Variants in EEF2K observed in about 807,000 individuals in gnomAD.
EEF2K encodes eukaryotic elongation factor 2 kinase.
Under a neutral mutation model 93.8 loss-of-function variants are expected in EEF2K, and 70 were observed. That is an observed-to-expected ratio of 0.75 (90% confidence interval 0.62 to 0.91). The LOEUF (loss-of-function observed/expected upper bound fraction) is 0.91. Ranked by LOEUF, EEF2K falls within the 40% of genes least tolerant of loss-of-function variation. The probability of loss-of-function intolerance (pLI) is 0.00; values close to 1 mark genes in which losing one functional copy is unlikely to be tolerated. For missense variants in EEF2K, 935 were observed against 972.9 expected (o/e 0.96, Z 0.52); for synonymous variants, 376 against 380.8 (o/e 0.99, Z 0.15).
rs200670923 is a variant in EEF2K, at chr16:22,250,692, G to A, written c.446+1G>A. 131 of 1,614,072 alleles carry A rather than the reference G, an allele frequency of 8.1e-5. No homozygotes were observed. Among genetic ancestry groups the A allele is most frequent in the Non-Finnish European group, 1.1e-4 (126 of 1,180,034 alleles). The stretch of plus-strand genomic sequence containing the variant: ...GAGCAATGAGGGAGTGCTTCCGGAC[G>A]TAAGTGACTCAGCCTGGCTCTTGGG... On this transcript the variant is annotated splice_donor_variant, in intron 5 of 17. Transcript: ENST00000263026. LOFTEE classifies it high-confidence loss of function.
chr16:22,230,693 TAA>T (rs1230809499), intron 2 of EEF2K, among the ~76,000 whole-genome samples: 1 of 152,144 alleles, frequency 6.6e-6, no homozygotes, highest in African/African-American at 2.4e-5. Flanking sequence ...AGCTGATTTT[TAA>T]AAAAATTTTT....
chr16:22,277,368 C>CA (rs2047647545), intron 16 of EEF2K, among the ~76,000 whole-genome samples: 1 of 152,134 alleles, frequency 6.6e-6, no homozygotes, highest in South Asian at 2.1e-4. Context: ...CTCCTGGGCT[C>CA]AAGAGATCCT....
At chr16:22,232,279 T>A (rs1053988013) in intron 2 of EEF2K, among the ~76,000 whole-genome samples, 2 of 152,112 alleles carry the variant, frequency 1.3e-5, no homozygotes, top group Admixed American at 6.6e-5. Flanking sequence ...CAGGCTGGAG[T>A]ACAGTGGCAT....
rs1409418443 is a variant in EEF2K, at chr16:22,273,648, A to G, written c.1787A>G (p.Lys596Arg). ...SLKETEENKT[K>R]GFDYLLKAAE... ...CAGGAGACAGAAGAGAACAAAACCA[A>G]AGGATTTGATTACTTACTAAAGGCC... Residue 596 changes from lysine (K) to arginine (R), a missense_variant, in exon 16 of 18, where the codon AAA becomes AGA. Coordinates refer to ENST00000263026, the MANE Select transcript of EEF2K (RefSeq NM_013302.5). 3 of 1,613,962 alleles carry G rather than the reference A, an allele frequency of 1.9e-6. No homozygotes were observed. Among genetic ancestry groups the G allele is most frequent in the Non-Finnish European group, 8.5e-7 (1 of 1,180,020 alleles).
intron 1 of EEF2K, among the ~76,000 whole-genome samples, chr16:22,212,713 G>A (rs2046926734): frequency 6.6e-6 from 1 of 152,148 alleles, no homozygotes; most frequent in Admixed American, 6.6e-5. Flanking sequence ...TACACCAGAG[G>A]CTGGACACAG....
intron 17 of EEF2K, among the ~76,000 whole-genome samples, chr16:22,283,542 T>G (rs1314615898): frequency 6.6e-6 from 1 of 152,140 alleles, no homozygotes; most frequent in African/African-American, 2.4e-5. Context: ...TCTCATTGGC[T>G]CAAATTAGTT....
Position 22,251,141 on chromosome 16 carries a change from C to A in EEF2K, c.447-10C>A. Reference sequence around the variant, plus strand: ...TACCCAGGTAGGCCCCCTGTTGCCTCTTCCCACAGGAAGAAGCTCTCCAAC... The same window carrying A: ...TACCCAGGTAGGCCCCCTGTTGCCTATTCCCACAGGAAGAAGCTCTCCAAC... On this transcript the variant is annotated splice_polypyrimidine_tract_variant and intron_variant, in intron 5 of 17. Transcript: ENST00000263026. 2.5e-6 allele frequency: 4 copies of A among 1,611,956 alleles called. No homozygotes were observed. Among genetic ancestry groups the A allele is most frequent in the Non-Finnish European group, 3.4e-6 (4 of 1,178,808 alleles).
Position 22,266,814 on chromosome 16 carries a change from G to A in EEF2K, c.1702G>A (p.Val568Met), listed in dbSNP as rs750302565. ...CAACCTGGGCGAGCTGGAGGCCATC[G>A]TGGGCCTGGGACTCATGTACTCGCA... Reference protein sequence around the residue: ...AANLGELEAIVGLGLMYSQLP... With the variant: ...AANLGELEAIMGLGLMYSQLP... Residue 568 changes from valine to methionine, a missense_variant, in exon 15 of 18, where the codon GTG (valine) becomes ATG (methionine). By Grantham distance (21) the Val-to-Met change is conservative. Coordinates refer to ENST00000263026, the MANE Select transcript of EEF2K (RefSeq NM_013302.5). 5 of 1,614,198 alleles carry A rather than the reference G, an allele frequency of 3.1e-6. No individual in the cohort carries two copies. Among genetic ancestry groups the A allele is most frequent in the South Asian group, 1.1e-5 (1 of 91,076 alleles).
intron 12 of EEF2K, among the ~76,000 whole-genome samples, chr16:22,263,618 AAAAT>A (rs1325519619): frequency 1.3e-5 from 2 of 152,224 alleles, no homozygotes; most frequent in African/African-American, 4.8e-5. Context: ...AAAATAAAAT[AAAAT>A]AAAGAGTATT....
rs2047124147 is a variant in EEF2K at position 22,232,315 on chromosome 16, C to T, written c.246+6340C>T. On this transcript the variant is annotated intron_variant, in intron 2 of 17. Coordinates refer to ENST00000263026, the MANE Select transcript of EEF2K (RefSeq NM_013302.5). ...GATCATAACTCACTGCAGCCTCTAA[C>T]TCCTGGGCTTGAGCGATCCTCCCAC... Among the ~76,000 whole-genome samples, 6 of 152,240 alleles carry T rather than the reference C, an allele frequency of 3.9e-5. No individual in the cohort carries two copies. In the South Asian group the frequency reaches 1.2e-3, roughly 32 times the overall value.
intron 10 of EEF2K, 94 bp from the exon 11 acceptor site, chr16:22,260,368 T>C: frequency 1.7e-6 from 2 of 1,208,508 alleles, no homozygotes; most frequent in Non-Finnish European, 2.3e-6. Flanking sequence ...AAAAAAGGCT[T>C]GGTGGCAGGT....
At chr16:22,220,012 A>G (rs1380200488) in intron 1 of EEF2K, among the ~76,000 whole-genome samples, 1 of 152,194 alleles carries the variant, frequency 6.6e-6, no homozygotes, top group African/African-American at 2.4e-5. Context: ...CCATTGACTA[A>G]AACTTGTTCA....
intron 2 of EEF2K, among the ~76,000 whole-genome samples, chr16:22,239,696 A>G (rs1196304053): frequency 1.3e-5 from 2 of 152,218 alleles, no homozygotes; most frequent in East Asian, 3.8e-4. Flanking sequence ...CTGTCATCCC[A>G]GCTATTCGGG....
chr16:22,252,934 A>G (rs960920784), intron 6 of EEF2K, among the ~76,000 whole-genome samples: 1 of 152,144 alleles, frequency 6.6e-6, no homozygotes, highest in African/African-American at 2.4e-5. Flanking sequence ...CCATGATTCA[A>G]TTATCTCCTA....
chr16:22,244,793 A>G (rs1053101457), intron 3 of EEF2K, 63 bp downstream of exon 3: 1 of 1,539,830 alleles, frequency 6.5e-7, no homozygotes. Flanking sequence ...TCTGTTCCCA[A>G]TCAGTGAGGC....
chr16:22,274,609 C>T (rs1479941111), intron 16 of EEF2K, among the ~76,000 whole-genome samples: 1 of 151,916 alleles, frequency 6.6e-6, no homozygotes, highest in Non-Finnish European at 1.5e-5. Flanking sequence ...ACTTTTCCTA[C>T]TTATTATTAT....
In EEF2K at chr16:22,286,578, C is replaced by T. The variant is rs1423462689; in HGVS notation, c.*2582C>T. The T allele has an allele frequency of 6.6e-6, 1 of 152,238 alleles. No individual in the cohort carries two copies. Among genetic ancestry groups the T allele is most frequent in the Non-Finnish European group, 1.5e-5 (1 of 68,046 alleles). The allele number at this position is 152,238 out of a possible 1,614,324, so 9.4% of individuals were successfully genotyped here. On this transcript the variant is annotated 3_prime_UTR_variant, in exon 18 of 18. Transcript: ENST00000263026. ...TGTAATGTAAAAGCTGCCACAGACA[C>T]TACATGAACACGAATGAGTGTGGCT...
chr16:22,226,517 C>CTTCTTTTTTTTT (rs1555469266), intron 2 of EEF2K, among the ~76,000 whole-genome samples: 39 of 106,858 alleles, frequency 3.6e-4, no homozygotes, highest in East Asian at 1.7e-3. Flanking sequence ...CCTTCTTCTT[C>CTTCTTTTTTTTT]TTTTTTTTTT....
At chr16:22,220,767 C>A (rs1308870704) in intron 1 of EEF2K, among the ~76,000 whole-genome samples, 1 of 150,380 alleles carries the variant, frequency 6.6e-6, no homozygotes, top group East Asian at 2.0e-4. Flanking sequence ...TTTTAACCAC[C>A]GAACTACACT....
Sources: allele counts gnomAD v4.1 joint callset (sites outside exome capture counted in the v4.1 genomes callset), GRCh38; gene constraint gnomAD v4.1.1; transcripts MANE v1.5; gene names NCBI Gene and HGNC (gene_info 2026-07-23, HGNC 2026-07-21).